PRMT9: variants seen among roughly 807,000 people sequenced by gnomAD.
PRMT9 encodes the protein protein arginine N-methyltransferase 9.
In PRMT9, 59 loss-of-function variants were observed where a neutral mutation model predicts 83.2. The ratio of observed to expected loss-of-function variants is 0.71; its 90% CI spans 0.57 to 0.88. PRMT9 has a LOEUF of 0.88. PRMT9 is among the 40% of genes least tolerant of loss of function. PRMT9 has a pLI of 0.00. For synonymous variants in PRMT9, 333 were observed against 353.2 expected, an observed-to-expected ratio of 0.94 and a Z score of 0.64; for missense variants, 947 against 1,021.9, an observed-to-expected ratio of 0.93 and a Z score of 1.00.
chr4:147,669,920 C>T (rs1735617565), intron 5 of PRMT9, among the ~76,000 whole-genome samples: 1 of 152,088 alleles, frequency 6.6e-6, no homozygotes, highest in Admixed American at 6.5e-5. Context: ...TCAACAGGTA[C>T]CTGAAAACAG....
At chr4:147,683,735 GTTT>G in intron 1 of PRMT9, 61 bp downstream of exon 1, 2 of 837,770 alleles carry the variant, frequency 2.4e-6, no homozygotes, top group African/African-American at 4.1e-5. Context: ...TTTTTTTTCT[GTTT>G]TTTTTTTTTT....
intron 10 of PRMT9, 163 bp from the exon 11 acceptor site, chr4:147,639,245 C>T (rs1452993734): frequency 1.6e-6 from 1 of 613,828 alleles, no homozygotes; most frequent in Non-Finnish European, 2.8e-6. Flanking sequence ...ATTCCCACAT[C>T]AAGCTAAGGC....
chr4:147,682,171 A>G (rs1048433297), intron 1 of PRMT9, among the ~76,000 whole-genome samples: 1 of 151,874 alleles, frequency 6.6e-6, no homozygotes, highest in Non-Finnish European at 1.5e-5. Flanking sequence ...ACGCCCAGCT[A>G]ATTTTTTATT....
intron 9 of PRMT9, 88 bp from the exon 10 acceptor site, chr4:147,643,028 G>T: frequency 8.5e-7 from 1 of 1,183,126 alleles, no homozygotes; most frequent in Non-Finnish European, 1.2e-6. Context: ...GGGAGGCCAA[G>T]GTGGGTGGAT....
chr4:147,669,618 G>A (rs967959923), intron 5 of PRMT9, among the ~76,000 whole-genome samples: 1 of 151,912 alleles, frequency 6.6e-6, no homozygotes, highest in Non-Finnish European at 1.5e-5. Flanking sequence ...CACTTTGGGA[G>A]ACCAAGGCAG....
At chr4:147,666,698 G>C (rs1159115972) in intron 6 of PRMT9, among the ~76,000 whole-genome samples, 2 of 151,954 alleles carry the variant, frequency 1.3e-5, no homozygotes, top group Non-Finnish European at 2.9e-5. Context: ...AGCTGATTAG[G>C]TGCCAAATGG....
intron 9 of PRMT9, among the ~76,000 whole-genome samples, chr4:147,643,957 G>A (rs1424372001): frequency 1.3e-5 from 2 of 152,144 alleles, no homozygotes; most frequent in Non-Finnish European, 2.9e-5. Context: ...CACCACTAAA[G>A]AGACATGAAA....
intron 7 of PRMT9, among the ~76,000 whole-genome samples, chr4:147,659,043 G>A (rs1015077612): frequency 2.0e-5 from 3 of 152,132 alleles, no homozygotes; most frequent in African/African-American, 7.2e-5. Context: ...GTCGGGCATG[G>A]TGGCGGGCAC....
intron 9 of PRMT9, among the ~76,000 whole-genome samples, chr4:147,644,539 T>TAAAAA (rs35094215): frequency 1.6e-4 from 18 of 111,856 alleles, no homozygotes; most frequent in Admixed American, 6.0e-4. Context: ...TGCTTATGGT[T>TAAAAA]AAAAAAAAAA....
chr4:147,654,529 T>G lies in PRMT9; in HGVS notation c.1368A>C (p.Glu456Asp), dbSNP rs867679649. 1 of 1,613,602 alleles carries G rather than the reference T, an allele frequency of 6.2e-7. No homozygotes were observed. The highest frequency in any genetic ancestry group is 1.3e-5 in the African/African-American group (1 of 75,040). ...WIKPGDHVMM[E>D]VSCQDCYLRI... Reference sequence around the variant, plus strand: ...TTAAGTAACAGTCTTGACAAGATACTTCCATCATCACATGGTCTCCAGGCT... The same window carrying G: ...TTAAGTAACAGTCTTGACAAGATACGTCCATCATCACATGGTCTCCAGGCT... The change falls in exon 9 of 12, where the codon GAA becomes GAC. Residue 456 changes from glutamate to aspartate, a missense_variant. By Grantham distance (45) the Glu-to-Asp change is conservative. Coordinates refer to ENST00000322396, the MANE Select transcript of PRMT9 (RefSeq NM_138364.4).
intron 2 of PRMT9, among the ~76,000 whole-genome samples, chr4:147,678,958 A>G (rs1359625430): frequency 6.6e-6 from 1 of 152,220 alleles, no homozygotes; most frequent in Non-Finnish European, 1.5e-5. Context: ...CTAGGACTAC[A>G]TGGTGAGGCC....
At position 147,638,795 on chromosome 4, in the gene PRMT9, C is replaced by T; in HGVS notation, c.2323-48G>A. 3 of 1,447,184 alleles carry T rather than the reference C, an allele frequency of 2.1e-6. No individual in the cohort carries two copies. The South Asian group carries it at 3.5e-5, about 17-fold the overall frequency. The allele number at this position is 1,447,184 out of a possible 1,614,324, so 89.6% of individuals were successfully genotyped here. Reference sequence around the variant, plus strand: ...AAAATATCAGAGTGCATAGAGTAGACTTAGATAAGTCTCTTTTTAGTTACT... The same window carrying T: ...AAAATATCAGAGTGCATAGAGTAGATTTAGATAAGTCTCTTTTTAGTTACT... On this transcript the variant is annotated intron_variant, in intron 11 of 11. Transcript: ENST00000322396.
In PRMT9 at chr4:147,683,854, T is replaced by C. The variant is rs1353218347; in HGVS notation, c.134A>G (p.Tyr45Cys). ...GCTGAGCACGAGGAGGTAGTGGGCA[T>C]AGGCAGTGCCGAAGTCCTGGACGCC... ...CLGVQDFGTA[Y>C]AHYLLVLSLA... The change falls in exon 1 of 12, where the codon TAT becomes TGT. Residue 45 changes from tyrosine (Y) to cysteine (C), a missense_variant. Tyr to Cys is a radical substitution (Grantham distance 194). Transcript: ENST00000322396. 5.6e-6 allele frequency: 9 copies of C among 1,613,064 alleles called. No individual in the cohort carries two copies. The highest frequency in any genetic ancestry group is 2.7e-5 in the African/African-American group (2 of 74,806).
Position 147,654,134 on chromosome 4 carries a change from G to A in PRMT9, c.1763C>T (p.Ser588Phe). ...ILEPFYVLDVSEGFSVLPVIA... is the reference protein window; with the variant it reads ...ILEPFYVLDVFEGFSVLPVIA... ...AACAGGCAGAACAGAGAAGCCTTCG[G>A]ACACATCTAACACGTAGAAAGGTTC... The change falls in exon 9 of 12, where the codon TCC becomes TTC. Residue 588 changes from serine (S) to phenylalanine (F), a missense_variant. Coordinates refer to ENST00000322396, the MANE Select transcript of PRMT9 (RefSeq NM_138364.4). 2 of 1,614,174 alleles carry A rather than the reference G, an allele frequency of 1.2e-6. No individual in the cohort carries two copies. Among genetic ancestry groups the A allele is most frequent in the Non-Finnish European group, 1.7e-6 (2 of 1,180,044 alleles).
chr4:147,638,954 C>T lies in PRMT9; in HGVS notation c.2322+6G>A, dbSNP rs1268550475. ...CAAACGAAATCATTTTGCATGTTGT[C>T]CTTACCTTTACTTCTCTGTTAGAGG... On this transcript the variant is annotated splice_donor_region_variant and intron_variant, in intron 11 of 11. Transcript: ENST00000322396. 6.2e-7 allele frequency: 1 copy of T among 1,610,372 alleles called. No individual in the cohort carries two copies. Among genetic ancestry groups the T allele is most frequent in the Admixed American group, 1.7e-5 (1 of 60,000 alleles).
Position 147,672,918 on chromosome 4 carries a change from T to G in PRMT9, c.743+41A>C, listed in dbSNP as rs758880562. 114 of 1,547,054 alleles carry G rather than the reference T, an allele frequency of 7.4e-5. 3 individuals carry two copies. The South Asian group carries it at 1.1e-3, about 15-fold the overall frequency. ...GAAATATATCTTAGTTTTTTAAAAA[T>G]AGAGAAGTATAAACACTAAAATTAG... is the stretch of plus-strand genomic sequence containing the variant. On this transcript the variant is annotated intron_variant, in intron 4 of 11. Coordinates refer to ENST00000322396, the MANE Select transcript of PRMT9 (RefSeq NM_138364.4).
chr4:147,656,579 T>C (rs1734501937), intron 8 of PRMT9, among the ~76,000 whole-genome samples: 1 of 151,962 alleles, frequency 6.6e-6, no homozygotes, highest in South Asian at 2.1e-4. Context: ...GAGACCATCC[T>C]GGCTAACACA....
At position 147,673,660 on chromosome 4, in the gene PRMT9, C is replaced by CA; in HGVS notation, c.552dup (p.Gly185TrpfsTer12). 6.2e-7 allele frequency: 1 copy of CA among 1,610,990 alleles called. No homozygotes were observed. The highest frequency in any genetic ancestry group is 8.5e-7 in the Non-Finnish European group (1 of 1,177,220). The stretch of plus-strand genomic sequence containing the variant: ...AACCTTAGTATTCCAGTTCCTGCTC[C>CA]AATGTCCAAAACACTTTTGGACCCC... On this transcript the variant is annotated frameshift_variant, in exon 3 of 12. Coordinates refer to ENST00000322396, the MANE Select transcript of PRMT9 (RefSeq NM_138364.4). LOFTEE classifies it high-confidence loss of function.
rs900603299 is a variant in PRMT9 at position 147,679,181 on chromosome 4, C to T, written c.338+1142G>A. 3.9e-5 allele frequency among the ~76,000 whole-genome samples: 6 copies of T among 152,328 alleles called. No homozygotes were observed. In the South Asian group the frequency reaches 1.2e-3, roughly 32 times the overall value. ...GTGCAGTGGCTCAAGTCTGTAATCC[C>T]AGTGCTTTGGGAGGCCAAGGCCAGA... On this transcript the variant is annotated intron_variant, in intron 2 of 11. Coordinates refer to ENST00000322396, the MANE Select transcript of PRMT9 (RefSeq NM_138364.4).
Sources: gnomAD v4.1 joint callset for allele counts (sites outside exome capture counted in the v4.1 genomes callset) on GRCh38, gnomAD v4.1.1 for gene constraint, MANE v1.5 for transcripts, NCBI Gene and HGNC (gene_info 2026-07-23, HGNC 2026-07-21) for gene names.